ZBTB7C: variants seen among roughly 807,000 people sequenced by gnomAD.
ZBTB7C encodes zinc finger and BTB domain containing 7C.
In ZBTB7C, 8 loss-of-function variants were observed where a neutral mutation model predicts 25.7. The ratio of observed to expected loss-of-function variants is 0.31; its 90% CI spans 0.18 to 0.56. ZBTB7C has a LOEUF of 0.56. Ranked by LOEUF, ZBTB7C falls within the 20% of genes least tolerant of loss-of-function variation. The pLI, the probability that ZBTB7C is intolerant of heterozygous loss-of-function variation, is 0.91. For synonymous variants in ZBTB7C, 394 were observed against 369.0 expected (o/e 1.07, Z -0.78); for missense variants, 824 against 855.2 (o/e 0.96, Z 0.46).
intron 1 of ZBTB7C, among the ~76,000 whole-genome samples, chr18:48,344,815 T>C (rs374394668): frequency 1.3e-5 from 2 of 152,240 alleles, no homozygotes; most frequent in East Asian, 1.9e-4. Context: ...TGATAAGTCA[T>C]GAGGACCATG....
At chr18:48,334,834 A>C (rs1598895387) in intron 2 of ZBTB7C, among the ~76,000 whole-genome samples, 1 of 152,292 alleles carries the variant, frequency 6.6e-6, no homozygotes, top group Non-Finnish European at 1.5e-5. Flanking sequence ...AGACAGAGGG[A>C]TGAAGGACAT....
intron 2 of ZBTB7C, chr18:48,203,595 C>G (rs538519550): frequency 3.3e-5 from 5 of 152,342 alleles, no homozygotes; most frequent in African/African-American, 9.6e-5. Context: ...TGCTTCATTT[C>G]TGTGTGACCT....
intron 2 of ZBTB7C, among the ~76,000 whole-genome samples, chr18:48,293,105 C>T (rs1403717463): frequency 6.6e-6 from 1 of 152,222 alleles, no homozygotes; most frequent in Non-Finnish European, 1.5e-5. Context: ...GTGCTCTAAA[C>T]CACTGTCTTA....
chr18:48,294,007 G>A (rs2045313371), intron 2 of ZBTB7C, among the ~76,000 whole-genome samples: 1 of 152,226 alleles, frequency 6.6e-6, no homozygotes, highest in Non-Finnish European at 1.5e-5. Context: ...TGGGTGAGGT[G>A]CTGGAGCTTG....
intron 2 of ZBTB7C, among the ~76,000 whole-genome samples, chr18:48,333,648 T>A (rs2046391009): frequency 6.6e-6 from 1 of 152,180 alleles, no homozygotes; most frequent in Non-Finnish European, 1.5e-5. Context: ...AGATGTTAAG[T>A]CACAGTGACA....
chr18:48,120,271 A>G (rs564245677), intron 3 of ZBTB7C, among the ~76,000 whole-genome samples: 2 of 152,274 alleles, frequency 1.3e-5, no homozygotes, highest in East Asian at 1.9e-4. Context: ...GCAGGGTGAC[A>G]GGAGATGAGG....
chr18:48,092,808 C>A (rs1208054895), intron 3 of ZBTB7C, among the ~76,000 whole-genome samples: 3 of 152,198 alleles, frequency 2.0e-5, no homozygotes, highest in Non-Finnish European at 4.4e-5. Context: ...ATTCATGCAG[C>A]TTTGGTTTCT....
At chr18:48,107,788 T>A (rs1029870168) in intron 3 of ZBTB7C, among the ~76,000 whole-genome samples, 3 of 152,104 alleles carry the variant, frequency 2.0e-5, no homozygotes, top group African/African-American at 7.2e-5. Flanking sequence ...CGAGCTTGTC[T>A]CAAGTGCTGA....
intron 3 of ZBTB7C, among the ~76,000 whole-genome samples, chr18:48,138,430 C>G (rs1251547413): frequency 6.6e-6 from 1 of 152,222 alleles, no homozygotes; most frequent in African/African-American, 2.4e-5. Flanking sequence ...AAGGTCGGGT[C>G]TCTCTCTGTG....
At chr18:48,051,045 C>G (rs1454015579) in intron 3 of ZBTB7C, among the ~76,000 whole-genome samples, 2 of 152,164 alleles carry the variant, frequency 1.3e-5, no homozygotes, top group Non-Finnish European at 2.9e-5. Flanking sequence ...TGCTGGTCAC[C>G]TAGGCTCTGC....
chr18:48,302,165 G>A (rs1270270697), intron 2 of ZBTB7C, among the ~76,000 whole-genome samples: 1 of 152,168 alleles, frequency 6.6e-6, no homozygotes, highest in Non-Finnish European at 1.5e-5. Flanking sequence ...ATAATCCCCT[G>A]TGCAGAAGCC....
chr18:48,183,453 T>TAAGAATAAAATTC (rs2041978789), intron 3 of ZBTB7C, among the ~76,000 whole-genome samples: 1 of 152,242 alleles, frequency 6.6e-6, no homozygotes, highest in Non-Finnish European at 1.5e-5. Context: ...TACTGTCTGT[T>TAAGAATAAAATTC]AAGAATAAAA....
intron 3 of ZBTB7C, chr18:48,169,675 G>A (rs185126966): frequency 1.9e-4 from 29 of 152,432 alleles, no homozygotes; most frequent in African/African-American, 7.0e-4. Flanking sequence ...CAAGCATACT[G>A]GCTCATGAAG....
chr18:48,334,558 C>T lies in ZBTB7C; in HGVS notation c.-79+3616G>A, dbSNP rs567942517. ...TTCACATACACTATCTCATTTGAGG[C>T]TCTGAAAAAACCCAGAAGGCAGGCG... On this transcript the variant is annotated intron_variant, in intron 2 of 4. Transcript: ENST00000590800. 3.7e-4 allele frequency among the ~76,000 whole-genome samples: 56 copies of T among 152,302 alleles called. No individual in the cohort carries two copies. The South Asian group carries it at 0.011, about 29-fold the overall frequency.
At chr18:48,190,694 T>C (rs2042172843) in intron 2 of ZBTB7C, among the ~76,000 whole-genome samples, 1 of 152,140 alleles carries the variant, frequency 6.6e-6, no homozygotes, top group Non-Finnish European at 1.5e-5. Flanking sequence ...GACTGTGGGC[T>C]TCAGTGCATG....
intron 3 of ZBTB7C, among the ~76,000 whole-genome samples, chr18:48,058,433 T>C (rs2037001228): frequency 6.6e-6 from 1 of 152,216 alleles, no homozygotes; most frequent in South Asian, 2.1e-4. Context: ...GGGGTCTTTT[T>C]AAAGCTGGTC....
chr18:48,290,786 C>G (rs759076835), intron 2 of ZBTB7C, among the ~76,000 whole-genome samples: 4 of 152,222 alleles, frequency 2.6e-5, no homozygotes, highest in African/African-American at 9.6e-5. Flanking sequence ...GTAGCCAGGA[C>G]AGCCCGCGGA....
intron 3 of ZBTB7C, chr18:48,137,330 AGCAGAAATAAAG>A (rs1371181909): frequency 1.0e-6 from 1 of 985,340 alleles, no homozygotes; most frequent in Admixed American, 6.1e-5. Flanking sequence ...GAAAAGGTAA[AGCAGAAATAAAG>A]GCAAGGGCGG....
At chr18:48,269,759 C>T (rs551202893) in intron 2 of ZBTB7C, among the ~76,000 whole-genome samples, 1 of 152,224 alleles carries the variant, frequency 6.6e-6, no homozygotes, top group African/African-American at 2.4e-5. Context: ...AAGCCCACAG[C>T]TCAAAGGTAG....
Sources: gnomAD v4.1 joint callset for allele counts (sites outside exome capture counted in the v4.1 genomes callset) on GRCh38, gnomAD v4.1.1 for gene constraint, MANE v1.5 for transcripts, NCBI Gene and HGNC (gene_info 2026-07-23, HGNC 2026-07-21) for gene names.